ATP6V1G3: variants seen among roughly 807,000 people sequenced by gnomAD.
ATP6V1G3 encodes the protein ATPase H+ transporting V1 subunit G3.
A neutral mutation model predicts 9.3 loss-of-function variants in ATP6V1G3; 9 were observed. The ratio of observed to expected loss-of-function variants is 0.97; its 90% CI spans 0.59 to 1.69. The LOEUF (loss-of-function observed/expected upper bound fraction) is 1.69, where lower values mean the gene tolerates loss of function less well. Ranked by LOEUF, ATP6V1G3 falls within the 40% of genes most tolerant of loss-of-function variation. The probability of loss-of-function intolerance (pLI) is 0.00; values close to 1 mark genes in which losing one functional copy is unlikely to be tolerated. For missense variants in ATP6V1G3, 133 were observed against 139.0 expected (o/e 0.96, Z 0.22); for synonymous variants, 43 against 43.8 (o/e 0.98, Z 0.07).
intron 2 of ATP6V1G3, among the ~76,000 whole-genome samples, chr1:198,525,199 G>A (rs895524088): frequency 6.6e-6 from 1 of 152,116 alleles, no homozygotes; most frequent in Non-Finnish European, 1.5e-5. Context: ...GCTCTACCAA[G>A]CTCAAAATTT....
rs1256614981 is a variant in ATP6V1G3, at chr1:198,523,451, GAGC to G, written c.294_296del (p.Gln98_Leu99delinsHis). Reference sequence around the variant, plus strand: ...GTTTCATGTCACAGACCATGCTCAAGAGCTGGTTCATCACACTTTCCATATACT... The same window carrying G: ...GTTTCATGTCACAGACCATGCTCAAGTGGTTCATCACACTTTCCATATACT... On this transcript the variant is annotated inframe_deletion, in exon 3 of 3. Transcript: ENST00000367382. 6.2e-7 allele frequency: 1 copy of G among 1,613,538 alleles called. No homozygotes were observed. Among genetic ancestry groups the G allele is most frequent in the Admixed American group, 1.7e-5 (1 of 59,966 alleles).
At position 198,539,851 on chromosome 1, in the gene ATP6V1G3, T is replaced by C. The variant is rs150187756; in HGVS notation, c.82+718A>G. 4.3e-4 allele frequency among the ~76,000 whole-genome samples: 65 copies of C among 152,340 alleles called. 1 individual carries two copies. The East Asian group carries it at 0.012, about 28-fold the overall frequency. ...GTTAATATCCTATTCATTTGGCTGTTGTATCAAAGAGAATAGAAAAGGTGT... is the reference window on the plus strand; with the variant it reads ...GTTAATATCCTATTCATTTGGCTGTCGTATCAAAGAGAATAGAAAAGGTGT... On this transcript the variant is annotated intron_variant, in intron 1 of 2. Transcript: ENST00000367382.
In ATP6V1G3 at chr1:198,523,607, G is replaced by T. The variant is rs562831934; in HGVS notation, c.184-43C>A. 7 of 1,563,346 alleles carry T rather than the reference G, an allele frequency of 4.5e-6. No homozygotes were observed. In the African/African-American group the frequency reaches 8.2e-5, roughly 18 times the overall value. On this transcript the variant is annotated intron_variant, in intron 2 of 2. Transcript: ENST00000367382. ...ACAGAATTCACATCATAATACAATT[G>T]TTTTACAAGTTAAATTTGTCCTAGC... is the stretch of plus-strand genomic sequence containing the variant.
intron 1 of ATP6V1G3, among the ~76,000 whole-genome samples, chr1:198,531,002 TA>T (rs565885057): frequency 2.3e-4 from 35 of 149,090 alleles, no homozygotes; most frequent in East Asian, 7.8e-4. Flanking sequence ...TCTAGCACAT[TA>T]AAAAAAAAAT....
chr1:198,529,918 A>T (rs999773014), intron 1 of ATP6V1G3, among the ~76,000 whole-genome samples: 1 of 152,146 alleles, frequency 6.6e-6, no homozygotes, highest in Non-Finnish European at 1.5e-5. Flanking sequence ...CTAGCAGACA[A>T]CATAAACGAA....
chr1:198,531,215 A>C (rs1317963205), intron 1 of ATP6V1G3, among the ~76,000 whole-genome samples: 4 of 152,164 alleles, frequency 2.6e-5, no homozygotes, highest in Non-Finnish European at 5.9e-5. Context: ...TTTTCTTGAT[A>C]GACTCAGCAG....
chr1:198,526,565 T>A (rs1659661373), intron 2 of ATP6V1G3, among the ~76,000 whole-genome samples: 1 of 152,198 alleles, frequency 6.6e-6, no homozygotes, highest in Admixed American at 6.6e-5. Flanking sequence ...ATGTCAGTGT[T>A]GAAACTGATG....
In ATP6V1G3 at chr1:198,523,427, T is replaced by A. The variant is rs1402845242; in HGVS notation, c.321A>T (p.Lys107Asn). 3 of 1,613,234 alleles carry A rather than the reference T, an allele frequency of 1.9e-6. No homozygotes were observed. The change falls in exon 3 of 3, where the codon AAA becomes AAT. Residue 107 changes from lysine to asparagine, a missense_variant. Physicochemically the swap from Lys to Asn is moderately conservative, Grantham distance 94. Transcript: ENST00000367382. The part of the protein sequence containing the change: ...NQLLSMVCDM[K>N]PEIHVNYRAT... ...CTCTGTAGTTCACATGGATTTCTGG[T>A]TTCATGTCACAGACCATGCTCAAGA...
intron 2 of ATP6V1G3, among the ~76,000 whole-genome samples, chr1:198,523,958 A>G (rs192807121): frequency 9.9e-5 from 15 of 152,260 alleles, no homozygotes; most frequent in Admixed American, 9.2e-4. Flanking sequence ...GAAAGACACC[A>G]TTAAACTCAC....
chr1:198,530,380 G>A (rs1213689925), intron 1 of ATP6V1G3, among the ~76,000 whole-genome samples: 4 of 152,140 alleles, frequency 2.6e-5, no homozygotes, highest in Non-Finnish European at 5.9e-5. Context: ...TTTGCACAGA[G>A]ATTGTTTCTC....
chr1:198,531,814 A>G (rs1334109840), intron 1 of ATP6V1G3, among the ~76,000 whole-genome samples: 3 of 152,204 alleles, frequency 2.0e-5, no homozygotes, highest in African/African-American at 4.8e-5. Flanking sequence ...TTTCTCATCT[A>G]TAAGACAGAT....
intron 2 of ATP6V1G3, among the ~76,000 whole-genome samples, chr1:198,527,579 G>A (rs1231086909): frequency 3.8e-4 from 58 of 152,092 alleles, no homozygotes; most frequent in Admixed American, 3.8e-3. Context: ...AAAGATGATT[G>A]TTTTCTCAGG....
At chr1:198,530,774 T>C (rs1659868991) in intron 1 of ATP6V1G3, among the ~76,000 whole-genome samples, 1 of 152,210 alleles carries the variant, frequency 6.6e-6, no homozygotes, top group Non-Finnish European at 1.5e-5. Flanking sequence ...ATCGATGATA[T>C]GTTGGTAGGA....
chr1:198,528,365 C>T (rs1214872364), intron 2 of ATP6V1G3, among the ~76,000 whole-genome samples: 1 of 151,988 alleles, frequency 6.6e-6, no homozygotes. Context: ...CTGCACAGAG[C>T]TTTACTTATA....
At chr1:198,530,373 GCA>G (rs1659848728) in intron 1 of ATP6V1G3, among the ~76,000 whole-genome samples, 1 of 152,092 alleles carries the variant, frequency 6.6e-6, no homozygotes, top group Non-Finnish European at 1.5e-5. Context: ...TGCAGCATTT[GCA>G]CAGAGATTGT....
intron 1 of ATP6V1G3, among the ~76,000 whole-genome samples, chr1:198,537,244 A>G (rs1422142438): frequency 2.0e-5 from 3 of 152,124 alleles, no homozygotes; most frequent in Non-Finnish European, 4.4e-5. Context: ...TAGACCATAT[A>G]CTGTATCATG....
At position 198,529,200 on chromosome 1, in the gene ATP6V1G3, A is replaced by ATG. The variant is rs1491081651; in HGVS notation, c.83-20_83-19insCA. 7 of 379,818 alleles carry ATG rather than the reference A, an allele frequency of 1.8e-5. No individual in the cohort carries two copies. Among genetic ancestry groups the ATG allele is most frequent in the African/African-American group, 2.6e-5 (1 of 37,776 alleles). 23.5% of individuals were successfully genotyped at this position (379,818 alleles called of 1,614,324 possible). On this transcript the variant is annotated intron_variant, in intron 1 of 2. Coordinates refer to ENST00000367382, the MANE Select transcript of ATP6V1G3 (RefSeq NM_001376861.1). Reference sequence around the variant, plus strand: ...CCTTTTCCTGAAAATTAACAAATATATATATATATATATATAATTATATAT... The same window carrying ATG: ...CCTTTTCCTGAAAATTAACAAATATATGTATATATATATATATAATTATATAT...
At position 198,530,660 on chromosome 1, in the gene ATP6V1G3, C is replaced by T. The variant is rs12563947; in HGVS notation, c.83-1479G>A. On this transcript the variant is annotated intron_variant, in intron 1 of 2. Transcript: ENST00000367382. ...GCTTATCTTTATATTAATTAATGCTCATTACCATTTTGTATATACTGATTC... is the reference window on the plus strand; with the variant it reads ...GCTTATCTTTATATTAATTAATGCTTATTACCATTTTGTATATACTGATTC... Among the ~76,000 whole-genome samples the T allele has an allele frequency of 6.3e-4, 96 of 152,248 alleles. No homozygotes were observed. In the East Asian group the frequency reaches 0.017, roughly 27 times the overall value.
At chr1:198,540,699 G>T, upstream of ATP6V1G3, 1 of 1,506,150 alleles carries the variant, frequency 6.6e-7, no homozygotes, top group Non-Finnish European at 9.2e-7. Context: ...GGAAGTAATG[G>T]GTTCATTTAT....
Sources: allele counts gnomAD v4.1 joint callset (sites outside exome capture counted in the v4.1 genomes callset), GRCh38; gene constraint gnomAD v4.1.1; transcripts MANE v1.5; gene names NCBI Gene and HGNC (gene_info 2026-07-23, HGNC 2026-07-21).